The following TUBGCP6 variants were observed in gnomAD, a reference collection of about 807,000 sequenced individuals.
TUBGCP6 encodes the protein gamma-tubulin complex component 6.
In TUBGCP6, 161 loss-of-function variants were observed where a neutral mutation model predicts 175.8. The observed-to-expected ratio is 0.92, with a 90% CI of 0.81 to 1.04. The LOEUF (loss-of-function observed/expected upper bound fraction) is 1.04. TUBGCP6 is among the 50% of genes least tolerant of loss of function. The pLI is 0.00. For missense variants in TUBGCP6, 2,572 were observed against 2,433.0 expected, an observed-to-expected ratio of 1.06 and a Z score of -1.20; for synonymous variants, 1,173 against 1,030.5, an observed-to-expected ratio of 1.14 and a Z score of -2.65.
intron 2 of TUBGCP6, among the ~76,000 whole-genome samples, chr22:50,234,064 C>A (rs2064728610): frequency 6.7e-6 from 1 of 148,808 alleles, no homozygotes; most frequent in African/African-American, 2.5e-5. Flanking sequence ...TCCACACCCC[C>A]TGTCCATGGC....
At chr22:50,225,467 C>T (rs1241113152) in intron 10 of TUBGCP6, among the ~76,000 whole-genome samples, 1 of 152,184 alleles carries the variant, frequency 6.6e-6, no homozygotes, top group East Asian at 1.9e-4. Context: ...GGGGAGGCCC[C>T]AACGGAGTTT....
chr22:50,229,234 C>T (rs920781994), intron 4 of TUBGCP6, among the ~76,000 whole-genome samples, 170 bp downstream of exon 4: 4 of 152,202 alleles, frequency 2.6e-5, no homozygotes, highest in Non-Finnish European at 5.9e-5. Context: ...TGAGGTAAAA[C>T]ATCCTCACTG....
Position 50,226,305 on chromosome 22 carries a change from C to T in TUBGCP6, c.1675G>A (p.Glu559Lys), listed in dbSNP as rs774449863. The T allele has an allele frequency of 1.1e-5, 18 of 1,613,824 alleles. No homozygotes were observed. Among genetic ancestry groups the T allele is most frequent in the Admixed American group, 8.3e-5 (5 of 59,980 alleles). ...YGEFMIQVNH[E>K]YLSFRDKLYW... ...CACCTACCTCGGAAGCTGAGGTACT[C>T]GTGGTTCACCTGAATCATGAACTCG... Residue 559 changes from glutamate (E) to lysine (K), a missense_variant, in exon 8 of 25, where the codon GAG becomes AAG. Physicochemically the swap from Glu to Lys is moderately conservative, Grantham distance 56 (BLOSUM62 1). Transcript: ENST00000248846.
intron 13 of TUBGCP6, 195 bp downstream of exon 13, chr22:50,223,946 C>A: frequency 1.7e-6 from 1 of 595,638 alleles, no homozygotes; most frequent in Admixed American, 2.9e-5. Flanking sequence ...CACAAGACAA[C>A]GCGCAGAACA....
chr22:50,226,140 C>G lies in TUBGCP6; in HGVS notation c.1743G>C (p.Glu581Asp), dbSNP rs752425132. 6.2e-7 allele frequency: 1 copy of G among 1,614,182 alleles called. No individual in the cohort carries two copies. The highest frequency in any genetic ancestry group is 8.5e-7 in the Non-Finnish European group (1 of 1,180,036). ...HGYVLISKEV[E>D]DCVPVFLKHI... Reference sequence around the variant, plus strand: ...GCTTCAGAAACACGGGAACACAGTCCTCCACCTCTTTGGAGATGAGCACGT... The same window carrying G: ...GCTTCAGAAACACGGGAACACAGTCGTCCACCTCTTTGGAGATGAGCACGT... Residue 581 changes from glutamate (E) to aspartate (D), a missense_variant, in exon 9 of 25, where the codon GAG becomes GAC. Transcript: ENST00000248846.
chr22:50,230,694 A>G lies in TUBGCP6; in HGVS notation c.1117-1117T>C, dbSNP rs2064676345. Reference sequence around the variant, plus strand: ...TCGGGAGGCTGAGGCAGGAGGATCAATTTGAGCCTAGGAAGTTGAGGCTGC... The same window carrying G: ...TCGGGAGGCTGAGGCAGGAGGATCAGTTTGAGCCTAGGAAGTTGAGGCTGC... On this transcript the variant is annotated intron_variant, in intron 3 of 24. Transcript: ENST00000248846. Among the ~76,000 whole-genome samples the G allele has an allele frequency of 2.0e-5, 3 of 146,698 alleles. 1 individual carries two copies. In the South Asian group the frequency reaches 6.5e-4, roughly 32 times the overall value.
chr22:50,220,890 G>T lies in TUBGCP6; in HGVS notation c.3469C>A (p.Arg1157=). The change falls in exon 16 of 25, where the codon CGG becomes AGG. Residue 1157 remains arginine (R), a synonymous_variant. Transcript: ENST00000248846. ...GACACGTGTCCATGGGTGTTCCACCGTGGCCGGGTGGGAGCCACGTCCGAC... is the reference window on the plus strand; with the variant it reads ...GACACGTGTCCATGGGTGTTCCACCTTGGCCGGGTGGGAGCCACGTCCGAC... The part of the protein sequence containing the change: ...NVSDVAPTRP[R]WNTHGHVSDA... 6.2e-7 allele frequency: 1 copy of T among 1,612,776 alleles called. No homozygotes were observed. The highest frequency in any genetic ancestry group is 8.5e-7 in the Non-Finnish European group (1 of 1,179,694).
In TUBGCP6 at chr22:50,222,122, G is replaced by A. The variant is rs1303793077; in HGVS notation, c.2410-20C>T. On this transcript the variant is annotated intron_variant, in intron 14 of 24. Transcript: ENST00000248846. ...CATCTCCTGAAATTCAAGCCAGAGG[G>A]GTGACTGGCCAAGCCGGAGTCAAGC... 3.7e-6 allele frequency: 6 copies of A among 1,611,820 alleles called. No homozygotes were observed. The highest frequency in any genetic ancestry group is 4.2e-6 in the Non-Finnish European group (5 of 1,179,204).
intron 3 of TUBGCP6, among the ~76,000 whole-genome samples, chr22:50,231,081 CAAAAAAAAAAAAA>C (rs35669469): frequency 1.3e-4 from 3 of 22,820 alleles, no homozygotes; most frequent in African/African-American, 5.5e-4. Context: ...GACTCTATCT[CAAAAAAAAAAAAA>C]AAAAAAAAAA....
chr22:50,238,649 T>C (rs1047187066), intron 2 of TUBGCP6, among the ~76,000 whole-genome samples: 1 of 150,724 alleles, frequency 6.6e-6, no homozygotes, highest in Non-Finnish European at 1.5e-5. Context: ...GCCATTCTCC[T>C]GCCTCAGCCT....
chr22:50,227,553 C>A (rs2064630448), intron 5 of TUBGCP6, among the ~76,000 whole-genome samples: 1 of 152,230 alleles, frequency 6.6e-6, no homozygotes, highest in Non-Finnish European at 1.5e-5. Context: ...CAATGCCCAG[C>A]TCCTCACTCT....
chr22:50,231,213 G>T (rs77256613), intron 3 of TUBGCP6, among the ~76,000 whole-genome samples: 4,101 of 152,102 alleles, frequency 0.027, 106 homozygotes, highest in East Asian at 0.13. Context: ...AACACTTTGG[G>T]AGGCCAAGGT....
In TUBGCP6 at chr22:50,245,008, A is replaced by C. The variant is rs1263906657; in HGVS notation, c.-549T>G. On this transcript the variant is annotated 5_prime_UTR_variant, in exon 1 of 25. Transcript: ENST00000248846. The stretch of plus-strand genomic sequence containing the variant: ...CCGCTCTCGCCGCCTCCGTCGCGTC[A>C]CAGCCGCGCCAGTGTGAAGAGCACT... 1.3e-5 allele frequency: 3 copies of C among 230,098 alleles called. No individual in the cohort carries two copies. The highest frequency in any genetic ancestry group is 2.6e-5 in the Non-Finnish European group (3 of 115,936). 14.3% of individuals were successfully genotyped at this position (230,098 alleles called of 1,614,324 possible).
Position 50,219,981 on chromosome 22 carries a change from A to C in TUBGCP6, c.4143T>G (p.Ser1381=). Residue 1381 remains serine (S), a synonymous_variant, in exon 17 of 25, where the codon TCT becomes TCG. Transcript: ENST00000248846. ...CCTGTGAGTTGAGAGGCCAATTTGG[A>C]GAGAGGTCCTCAGTGTCCCCGCTCC... The part of the protein sequence containing the change: ...PGRSGDTEDL[S]PNWPLNSQED... 1 of 1,613,962 alleles carries C rather than the reference A, an allele frequency of 6.2e-7. No homozygotes were observed. The highest frequency in any genetic ancestry group is 8.5e-7 in the Non-Finnish European group (1 of 1,179,948).
chr22:50,233,712 T>A (rs1416210721), intron 2 of TUBGCP6, among the ~76,000 whole-genome samples, 186 bp from the exon 3 acceptor site: 5 of 152,070 alleles, frequency 3.3e-5, no homozygotes, highest in Non-Finnish European at 7.4e-5. Context: ...GCTGCTGCTG[T>A]GAATACCAGC....
At chr22:50,228,604 C>T (rs968288094) in intron 4 of TUBGCP6, among the ~76,000 whole-genome samples, 2 of 152,132 alleles carry the variant, frequency 1.3e-5, no homozygotes, top group African/African-American at 4.8e-5. Flanking sequence ...GAACAAGAAC[C>T]ACAGTCCAGC....
In TUBGCP6 at chr22:50,220,342, C is replaced by T. The variant is rs1320108818; in HGVS notation, c.4017G>A (p.Gly1339=). ...LSSPSSGCGE[G]SISVGENVSD... ...ACACGTTCTCCCCCACGCTGATGCT[C>T]CCCTCCCCGCAGCCCGAGCTGGGGG... The change falls in exon 16 of 25, where the codon GGG becomes GGA. Residue 1339 remains glycine, a synonymous_variant. Transcript: ENST00000248846. The T allele has an allele frequency of 6.7e-7, 1 of 1,497,422 alleles. No individual in the cohort carries two copies. The highest frequency in any genetic ancestry group is 9.0e-7 in the Non-Finnish European group (1 of 1,116,888). 92.8% of individuals were successfully genotyped at this position (1,497,422 alleles called of 1,614,324 possible).
rs777681081 is a variant in TUBGCP6 at position 50,222,604 on chromosome 22, C to T, written c.2271-12G>A. ...CGACCAGTGCCTGCCTGAAGCCACA[C>T]ACCAGAGAGGACACGGCCACAAGAG... On this transcript the variant is annotated splice_polypyrimidine_tract_variant and intron_variant, in intron 13 of 24. Transcript: ENST00000248846. 2.3e-5 allele frequency: 37 copies of T among 1,609,348 alleles called. No homozygotes were observed. The highest frequency in any genetic ancestry group is 3.8e-4 in the Middle Eastern group (2 of 5,230).
chr22:50,244,276 A>T lies in TUBGCP6; in HGVS notation c.184T>A (p.Ser62Thr). The change falls in exon 1 of 25, where the codon TCA becomes ACA. Residue 62 changes from serine (S) to threonine (T), a missense_variant. By Grantham distance (58) the Ser-to-Thr change is moderately conservative. Coordinates refer to ENST00000248846, the MANE Select transcript of TUBGCP6 (RefSeq NM_020461.4). ...DETQQLQPDM[S>T]KLPARNKILM... The stretch of plus-strand genomic sequence containing the variant: ...ATCTTGTTTCTCGCTGGTAGTTTTG[A>T]CATGTCAGGCTGCAGCTGTTGAGTC... The T allele has an allele frequency of 2.5e-6, 4 of 1,613,638 alleles. No individual in the cohort carries two copies. The highest frequency in any genetic ancestry group is 3.4e-6 in the Non-Finnish European group (4 of 1,180,036).
Sources: gnomAD v4.1 joint callset for allele counts (sites outside exome capture counted in the v4.1 genomes callset) on GRCh38, gnomAD v4.1.1 for gene constraint, MANE v1.5 for transcripts, NCBI Gene and HGNC (gene_info 2026-07-23, HGNC 2026-07-21) for gene names.